The following SEPTIN11 variants were observed in gnomAD, a reference collection of about 807,000 sequenced individuals.
The protein encoded by SEPTIN11 is septin 11.
Under a neutral mutation model 51.4 loss-of-function variants are expected in SEPTIN11, and 25 were observed. The ratio of observed to expected loss-of-function variants is 0.49; its 90% CI spans 0.35 to 0.68. The LOEUF is 0.68. Among genes scored for constraint, SEPTIN11 ranks in the 30% least tolerant of loss-of-function variants. The probability of loss-of-function intolerance (pLI) is 0.00; values close to 1 mark genes in which losing one functional copy is unlikely to be tolerated. For missense variants in SEPTIN11, 381 were observed against 520.8 expected, an observed-to-expected ratio of 0.73 and a Z score of 2.61; for synonymous variants, 174 against 184.1, an observed-to-expected ratio of 0.95 and a Z score of 0.44.
At chr4:76,994,936 A>G (rs2109933229) in intron 1 of SEPTIN11, among the ~76,000 whole-genome samples, 1 of 134,630 alleles carries the variant, frequency 7.4e-6, no homozygotes, top group South Asian at 2.5e-4. Context: ...TTTAAATAAA[A>G]TGGAACATTG....
At chr4:77,032,589 T>G (rs545772690) in intron 9 of SEPTIN11, among the ~76,000 whole-genome samples, 1 of 152,318 alleles carries the variant, frequency 6.6e-6, no homozygotes, top group African/African-American at 2.4e-5. Flanking sequence ...TTTGTGTGTG[T>G]GTACACATAC....
At chr4:76,971,114 TTGA>T (rs569433606) in intron 1 of SEPTIN11, among the ~76,000 whole-genome samples, 91 of 152,334 alleles carry the variant, frequency 6.0e-4, no homozygotes, top group African/African-American at 2.1e-3. Flanking sequence ...TCTAGCAGAA[TTGA>T]TGTTGAATTA....
At chr4:76,963,225 T>C (rs1326888018) in intron 1 of SEPTIN11, among the ~76,000 whole-genome samples, 2 of 152,248 alleles carry the variant, frequency 1.3e-5, no homozygotes, top group African/African-American at 4.8e-5. Context: ...TTGGAATGTT[T>C]TCACTTGCAC....
intron 5 of SEPTIN11, among the ~76,000 whole-genome samples, chr4:77,016,528 T>C (rs1171025943): frequency 6.9e-6 from 1 of 144,982 alleles, no homozygotes; most frequent in East Asian, 2.0e-4. Flanking sequence ...TTTTGTATTA[T>C]TGTTTTTATA....
intron 1 of SEPTIN11, among the ~76,000 whole-genome samples, chr4:76,978,387 C>CT (rs1722601614): frequency 6.6e-6 from 1 of 152,176 alleles, no homozygotes; most frequent in South Asian, 2.1e-4. Context: ...TTGGTGACTT[C>CT]TGTAGTGTGA....
intron 1 of SEPTIN11, among the ~76,000 whole-genome samples, chr4:76,950,693 G>T (rs952624312): frequency 6.6e-6 from 1 of 152,166 alleles, no homozygotes; most frequent in African/African-American, 2.4e-5. Context: ...CCTTTGCCCC[G>T]AGTGTGTGGG....
chr4:76,987,586 CCTT>C (rs1045544097), intron 1 of SEPTIN11, among the ~76,000 whole-genome samples: 6 of 152,164 alleles, frequency 3.9e-5, no homozygotes, highest in Non-Finnish European at 7.3e-5. Flanking sequence ...TTCCCATTAA[CCTT>C]CTTTTTTTAA....
At chr4:76,986,517 G>A (rs1723037044) in intron 1 of SEPTIN11, among the ~76,000 whole-genome samples, 1 of 152,196 alleles carries the variant, frequency 6.6e-6, no homozygotes, top group South Asian at 2.1e-4. Context: ...CTTTACAACA[G>A]CCCTGTGAGA....
chr4:77,022,262 C>T lies in SEPTIN11; in HGVS notation c.953+1592C>T, dbSNP rs539345307. Among the ~76,000 whole-genome samples, 130 of 152,304 alleles carry T rather than the reference C, an allele frequency of 8.5e-4. No individual in the cohort carries two copies. In the Middle Eastern group the frequency reaches 0.037, roughly 44 times the overall value. ...ATTGAATTCATTTTCCCCTCACCTT[C>T]ATTCAAATCCAGACAGTGTTGAAGA... On this transcript the variant is annotated intron_variant, in intron 7 of 9. Transcript: ENST00000264893.
chr4:76,967,898 A>G (rs927263535), intron 1 of SEPTIN11, among the ~76,000 whole-genome samples: 1 of 152,178 alleles, frequency 6.6e-6, no homozygotes, highest in Admixed American at 6.5e-5. Context: ...CAACATCAAC[A>G]TTTTTGAATT....
intron 7 of SEPTIN11, among the ~76,000 whole-genome samples, chr4:77,022,851 A>G (rs1725815491): frequency 6.7e-6 from 1 of 149,812 alleles, no homozygotes; most frequent in Admixed American, 6.7e-5. Context: ...TATCTACACC[A>G]CCAGGAAGGG....
intron 2 of SEPTIN11, among the ~76,000 whole-genome samples, chr4:77,001,226 G>A (rs1349002078): frequency 6.6e-6 from 1 of 152,074 alleles, no homozygotes; most frequent in Non-Finnish European, 1.5e-5. Flanking sequence ...TCTAATTACT[G>A]TAGCAATAGA....
intron 1 of SEPTIN11, chr4:76,995,839 A>T (rs1009687883): frequency 6.5e-7 from 1 of 1,535,326 alleles, no homozygotes; most frequent in African/African-American, 1.4e-5. Flanking sequence ...TAGGAGCTAC[A>T]GGGTGAAGAG....
chr4:76,956,962 ATG>A lies in SEPTIN11; in HGVS notation c.27+7063_27+7064del, dbSNP rs202035045. On this transcript the variant is annotated intron_variant, in intron 1 of 9. Coordinates refer to ENST00000264893, the MANE Select transcript of SEPTIN11 (RefSeq NM_018243.4). ...GATTCTAGCTGGGCATAGTAGAATG[ATG>A]TGTGTGTGTGTGTGTGTGTGTGTGT... Among the ~76,000 whole-genome samples, 25 of 119,180 alleles carry A rather than the reference ATG, an allele frequency of 2.1e-4. 2 individuals are homozygous for A. The highest frequency in any genetic ancestry group is 1.2e-3 in the South Asian group (4 of 3,230). 78.2% of individuals were successfully genotyped at this position (119,180 alleles called of 152,430 possible).
chr4:77,001,377 T>G (rs1170565606), intron 2 of SEPTIN11, among the ~76,000 whole-genome samples: 1 of 151,600 alleles, frequency 6.6e-6, no homozygotes, highest in African/African-American at 2.4e-5. Context: ...AGATGGAGTC[T>G]CTCACTCTGT....
At chr4:76,996,883 CTTT>C (rs567525535) in intron 2 of SEPTIN11, among the ~76,000 whole-genome samples, 2 of 126,332 alleles carry the variant, frequency 1.6e-5, no homozygotes, top group Non-Finnish European at 1.6e-5. Context: ...CTAGCCATAT[CTTT>C]TTTTTTTTTT....
intron 2 of SEPTIN11, among the ~76,000 whole-genome samples, chr4:77,000,803 AT>A (rs1281926202): frequency 6.6e-6 from 1 of 152,190 alleles, no homozygotes; most frequent in East Asian, 1.9e-4. Flanking sequence ...GGCTCATCTT[AT>A]GCCGGAGTAT....
chr4:76,966,631 G>A lies in SEPTIN11; in HGVS notation c.27+16701G>A, dbSNP rs529822727. Among the ~76,000 whole-genome samples the A allele has an allele frequency of 2.2e-3, 332 of 151,978 alleles. 1 individual carries two copies. The highest frequency in any genetic ancestry group is 0.01 in the Middle Eastern group (3 of 294). ...ATTCCCAGCACTTTGGGAGGCCGAG[G>A]AAGATAGATCACTTGAGCCCAGGAG... is the stretch of plus-strand genomic sequence containing the variant. On this transcript the variant is annotated intron_variant, in intron 1 of 9. Coordinates refer to ENST00000264893, the MANE Select transcript of SEPTIN11 (RefSeq NM_018243.4).
chr4:76,952,275 A>G (rs12509258), intron 1 of SEPTIN11, among the ~76,000 whole-genome samples: 33,283 of 152,118 alleles, frequency 0.22, 3,757 homozygotes, highest in East Asian at 0.34. Context: ...TGATTTCACC[A>G]AAAGAAAGGA....
Sources: allele counts gnomAD v4.1 joint callset (sites outside exome capture counted in the v4.1 genomes callset), GRCh38; gene constraint gnomAD v4.1.1; transcripts MANE v1.5; gene names NCBI Gene and HGNC (gene_info 2026-07-23, HGNC 2026-07-21).